The following ZNF503 variants were observed in gnomAD, a reference collection of about 807,000 sequenced individuals.
ZNF503 encodes NocA-like zinc finger 2.
ZNF503 carries 15 observed loss-of-function variants against 34.4 expected under a neutral mutation model. The ratio of observed to expected loss-of-function variants is 0.44; its 90% CI spans 0.29 to 0.67. The LOEUF (loss-of-function observed/expected upper bound fraction) is 0.67. Among genes scored for constraint, ZNF503 ranks in the 30% least tolerant of loss-of-function variants. The pLI, the probability that ZNF503 is intolerant of heterozygous loss-of-function variation, is 0.13. For missense variants in ZNF503, 1,007 were observed against 926.8 expected (o/e 1.09, Z -1.12); for synonymous variants, 580 against 456.8 (o/e 1.27, Z -3.44).
the ZNF503 span, among the ~76,000 whole-genome samples, chr10:75,305,093 C>T: frequency 1.5e-3 from 226 of 152,126 alleles, 3 homozygotes; most frequent in East Asian, 6.7e-3. Flanking sequence ...AAATATTATC[C>T]GGTTGCTATC....
At chr10:75,325,324 TA>T in the ZNF503 span, among the ~76,000 whole-genome samples, 1 of 112,518 alleles carries the variant, frequency 8.9e-6, no homozygotes, top group African/African-American at 4.8e-5. Context: ...ACCATATATA[TA>T]TATATTTTTT....
At chr10:75,308,465 T>A in the ZNF503 span, among the ~76,000 whole-genome samples, 1 of 152,180 alleles carries the variant, frequency 6.6e-6, no homozygotes, top group Non-Finnish European at 1.5e-5. Flanking sequence ...ATTTCAACTT[T>A]CAAGTCTTAA....
the ZNF503 span, among the ~76,000 whole-genome samples, chr10:75,304,808 T>C: frequency 7.9e-5 from 12 of 152,186 alleles, no homozygotes; most frequent in Non-Finnish European, 1.8e-4. Context: ...CCAGAAGGAA[T>C]TTCCATATGT....
the ZNF503 span, among the ~76,000 whole-genome samples, chr10:75,302,677 T>C: frequency 3.3e-5 from 5 of 152,132 alleles, no homozygotes; most frequent in African/African-American, 1.2e-4. Flanking sequence ...TCCTGATAAA[T>C]CCCCTCTAGT....
the ZNF503 span, among the ~76,000 whole-genome samples, chr10:75,315,586 G>T: frequency 6.6e-6 from 1 of 151,964 alleles, no homozygotes; most frequent in Non-Finnish European, 1.5e-5. Flanking sequence ...ACCTATAGTA[G>T]ATACACAAAC....
the ZNF503 span, among the ~76,000 whole-genome samples, chr10:75,340,941 G>A: frequency 3.3e-5 from 5 of 152,260 alleles, no homozygotes; most frequent in South Asian, 2.1e-4. Flanking sequence ...AATATTTTAC[G>A]TGAAAAGAGC....
At chr10:75,304,775 T>C in the ZNF503 span, among the ~76,000 whole-genome samples, 1 of 152,118 alleles carries the variant, frequency 6.6e-6, no homozygotes, top group Non-Finnish European at 1.5e-5. Flanking sequence ...CTAGAAAAGA[T>C]TGGAGAAAAA....
At chr10:75,331,436 CTCCCTTTAATTTAT>C in the ZNF503 span, among the ~76,000 whole-genome samples, 1 of 152,174 alleles carries the variant, frequency 6.6e-6, no homozygotes, top group African/African-American at 2.4e-5. Context: ...GAGTCTATCT[CTCCCTTTAATTTAT>C]TTTATTTTAT....
chr10:75,400,864 G>A (rs1470372758), intron 1 of ZNF503: 2 of 640,834 alleles, frequency 3.1e-6, no homozygotes, highest in Non-Finnish European at 5.3e-6. Context: ...TCGGGGTAGG[G>A]GCTTTCATAT....
the ZNF503 span, among the ~76,000 whole-genome samples, chr10:75,349,078 TCTC>T: frequency 4.6e-5 from 7 of 152,168 alleles, no homozygotes; most frequent in Non-Finnish European, 7.3e-5. Context: ...ATATTTCACA[TCTC>T]CTAAGAACAA....
At chr10:75,334,206 GC>G in the ZNF503 span, among the ~76,000 whole-genome samples, 3 of 151,966 alleles carry the variant, frequency 2.0e-5, no homozygotes, top group South Asian at 2.1e-4. Flanking sequence ...TTGCCCTCGG[GC>G]CCCGCGGGGC....
At chr10:75,390,629 G>A in the ZNF503 span, among the ~76,000 whole-genome samples, 1 of 152,136 alleles carries the variant, frequency 6.6e-6, no homozygotes, top group Non-Finnish European at 1.5e-5. Context: ...GTGTTTAAAA[G>A]GCAGAAGTCA....
the ZNF503 span, among the ~76,000 whole-genome samples, chr10:75,355,280 C>T: frequency 6.6e-6 from 1 of 152,204 alleles, no homozygotes; most frequent in Admixed American, 6.5e-5. Flanking sequence ...AGGCGACAAC[C>T]TACAGCACCT....
At chr10:75,380,079 C>T in the ZNF503 span, among the ~76,000 whole-genome samples, 65 of 152,310 alleles carry the variant, frequency 4.3e-4, no homozygotes, top group Middle Eastern at 6.8e-3. Flanking sequence ...CTATGCCAAA[C>T]CTGTGCCCAG....
rs558746353 is a variant in ZNF503 at position 75,398,797 on chromosome 10, G to A, written c.1893C>T (p.Ala631=). Residue 631 remains alanine (A), a synonymous_variant, in exon 2 of 2, where the codon GCC becomes GCT. Coordinates refer to ENST00000372524, the MANE Select transcript of ZNF503 (RefSeq NM_032772.6). ...CGGTGGTCAGTCTCTGTCCGTAGAG[G>A]GCGTAGGGGGAGTAGTACGGTCCGG... is the stretch of plus-strand genomic sequence containing the variant. ...AATGPYYSPY[A]LYGQRLTTAS... The A allele has an allele frequency of 2.6e-5, 39 of 1,478,860 alleles. No homozygotes were observed. The highest frequency in any genetic ancestry group is 9.5e-5 in the East Asian group (4 of 41,906). The allele number at this position is 1,478,860 out of a possible 1,614,324, so 91.6% of individuals were successfully genotyped here. A position where few individuals can be genotyped will look rare whatever the true frequency, so the allele number is the denominator to read the frequency against.
chr10:75,312,202 G>A, the ZNF503 span, among the ~76,000 whole-genome samples: 1 of 151,984 alleles, frequency 6.6e-6, no homozygotes, highest in Non-Finnish European at 1.5e-5. Flanking sequence ...GTGAGAACCT[G>A]TCTCAAACAA....
chr10:75,311,565 T>C, the ZNF503 span, among the ~76,000 whole-genome samples: 1 of 151,228 alleles, frequency 6.6e-6, no homozygotes, highest in Non-Finnish European at 1.5e-5. Flanking sequence ...CTGGGCACAG[T>C]GTAATCCCAG....
At chr10:75,329,993 G>C in the ZNF503 span, among the ~76,000 whole-genome samples, 1 of 152,174 alleles carries the variant, frequency 6.6e-6, no homozygotes, top group Non-Finnish European at 1.5e-5. Context: ...CTGTGGGTTT[G>C]TCATTTATGG....
chr10:75,350,676 T>TA, the ZNF503 span, among the ~76,000 whole-genome samples: 1 of 152,082 alleles, frequency 6.6e-6, no homozygotes, highest in African/African-American at 2.4e-5. Flanking sequence ...GCCTGCTAAG[T>TA]AGCTGGGACT....
Sources: gnomAD v4.1 joint callset for allele counts (sites outside exome capture counted in the v4.1 genomes callset) on GRCh38, gnomAD v4.1.1 for gene constraint, MANE v1.5 for transcripts, NCBI Gene and HGNC (gene_info 2026-07-23, HGNC 2026-07-21) for gene names.